ZNF350: variants seen among roughly 807,000 people sequenced by gnomAD.
ZNF350 encodes zinc finger protein 350, also known as KRAB zinc finger protein ZFQR.
A neutral mutation model predicts 13.1 loss-of-function variants in ZNF350; 5 were observed. The observed-to-expected ratio is 0.38, with a 90% CI of 0.20 to 0.80. The LOEUF is 0.80. Among genes scored for constraint, ZNF350 ranks in the 30% least tolerant of loss-of-function variants. ZNF350 has a pLI of 0.43. For missense variants in ZNF350, 534 were observed against 644.2 expected, an observed-to-expected ratio of 0.83 and a Z score of 1.85; for synonymous variants, 199 against 224.2, an observed-to-expected ratio of 0.89 and a Z score of 1.00.
At position 51,969,248 on chromosome 19, in the gene ZNF350, T is replaced by C. The variant is rs2085665454; in HGVS notation, c.16-117A>G. On this transcript the variant is annotated intron_variant, in intron 2 of 4. Coordinates refer to ENST00000243644, the MANE Select transcript of ZNF350 (RefSeq NM_021632.4). ...TGTGTGCATATACCAAATAGTTTTT[T>C]TTTTAATACAATGTGGAAGAAGTAA... 2.4e-6 allele frequency: 3 copies of C among 1,248,528 alleles called. No individual in the cohort carries two copies. In the South Asian group the frequency reaches 4.6e-5, roughly 19 times the overall value. The allele number at this position is 1,248,528 out of a possible 1,614,324, so 77.3% of individuals were successfully genotyped here.
At chr19:51,972,366 A>C (rs913763135) in intron 2 of ZNF350, among the ~76,000 whole-genome samples, 231 of 142,390 alleles carry the variant, frequency 1.6e-3, no homozygotes, top group Middle Eastern at 7.5e-3. Context: ...TAGTCAACCC[A>C]CCCCCGCCAC....
intron 1 of ZNF350, among the ~76,000 whole-genome samples, chr19:51,986,023 T>A (rs1006602287): frequency 1.6e-4 from 24 of 151,226 alleles, no homozygotes; most frequent in South Asian, 2.1e-4. Flanking sequence ...ATAAAAAAAA[T>A]AAATAAAAAA....
chr19:51,977,365 C>T (rs772325050), intron 1 of ZNF350, among the ~76,000 whole-genome samples: 31 of 152,288 alleles, frequency 2.0e-4, no homozygotes, highest in Middle Eastern at 3.4e-3. Context: ...ACACTTGGCG[C>T]GAACTTGCTT....
intron 1 of ZNF350, among the ~76,000 whole-genome samples, chr19:51,986,314 C>T (rs370092879): frequency 3.0e-4 from 46 of 152,256 alleles, no homozygotes; most frequent in African/African-American, 1.1e-3. Flanking sequence ...AAGCTTCAGC[C>T]CTCACAAGCC....
At chr19:51,981,159 G>A (rs568294574) in intron 1 of ZNF350, 22 of 152,288 alleles carry the variant, frequency 1.4e-4, no homozygotes, top group Admixed American at 1.3e-3. Flanking sequence ...AGGTTTGCTG[G>A]AGGCAATCAC....
At chr19:51,969,222 C>G in intron 2 of ZNF350, 91 bp from the exon 3 acceptor site, 1 of 1,486,664 alleles carries the variant, frequency 6.7e-7, no homozygotes, top group Non-Finnish European at 9.1e-7. Flanking sequence ...ACTCTACAGG[C>G]TGTGTGCATA....
At chr19:51,971,316 A>G (rs1461775422) in intron 2 of ZNF350, among the ~76,000 whole-genome samples, 4 of 152,232 alleles carry the variant, frequency 2.6e-5, no homozygotes, top group African/African-American at 7.2e-5. Context: ...TCTTACCTCA[A>G]TCCACACTCA....
intron 1 of ZNF350, among the ~76,000 whole-genome samples, chr19:51,983,543 A>G (rs1194206631): frequency 6.6e-6 from 1 of 152,212 alleles, no homozygotes; most frequent in Non-Finnish European, 1.5e-5. Context: ...TTATAACTAA[A>G]GGTGAGACAT....
intron 2 of ZNF350, among the ~76,000 whole-genome samples, chr19:51,972,234 T>C (rs2085757959): frequency 6.7e-6 from 1 of 149,682 alleles, no homozygotes; most frequent in South Asian, 2.1e-4. Flanking sequence ...GGCAGGAGGA[T>C]TGCTTGAGCC....
In ZNF350 at chr19:51,964,838, G is replaced by A. The variant is rs1349189966; in HGVS notation, c.*16C>T. On this transcript the variant is annotated 3_prime_UTR_variant, in exon 5 of 5. Coordinates refer to ENST00000243644, the MANE Select transcript of ZNF350 (RefSeq NM_021632.4). ...TTTTTGCTCAACCCTTTTCCACATA[G>A]ATCTGAGTTTTCTTCCTATGGGTTT... 1 of 1,595,694 alleles carries A rather than the reference G, an allele frequency of 6.3e-7. No homozygotes were observed. The highest frequency in any genetic ancestry group is 8.6e-7 in the Non-Finnish European group (1 of 1,168,678).
At chr19:51,975,114 G>T (rs1198897460) in intron 1 of ZNF350, among the ~76,000 whole-genome samples, 1 of 152,202 alleles carries the variant, frequency 6.6e-6, no homozygotes, top group Admixed American at 6.5e-5. Context: ...GAATGGAAAA[G>T]TGCCAATTAG....
Position 51,964,998 on chromosome 19 carries a change from G to A in ZNF350, c.1455C>T (p.Val485=). The change falls in exon 5 of 5, where the codon GTC becomes GTT. Residue 485 remains valine, a synonymous_variant. Transcript: ENST00000243644. ...ISGLLANRNV[V]LVGQPVVRCA... ...ATCTGACCACTGGCTGTCCCACAAG[G>A]ACTACGTTCCTGTTTGCGAGGAGGC... The A allele has an allele frequency of 3.1e-6, 5 of 1,614,140 alleles. No individual in the cohort carries two copies. Among genetic ancestry groups the A allele is most frequent in the Non-Finnish European group, 4.2e-6 (5 of 1,180,030 alleles).
chr19:51,975,267 G>A (rs77949393), intron 1 of ZNF350, among the ~76,000 whole-genome samples: 2,117 of 152,096 alleles, frequency 0.014, 46 homozygotes, highest in African/African-American at 0.048. Flanking sequence ...TCAGGAGTCC[G>A]AGACCGGCCT....
intron 2 of ZNF350, 36 bp downstream of exon 2, chr19:51,974,310 C>T (rs2085826102): frequency 1.2e-6 from 2 of 1,611,142 alleles, no homozygotes. Flanking sequence ...TATTATGGAA[C>T]AAAGGAAAGA....
rs1334975985 is a variant in ZNF350, at chr19:51,976,595, T to A, written c.-171-2064A>T. 6.6e-6 allele frequency: 1 copy of A among 152,278 alleles called. No individual in the cohort carries two copies. Among genetic ancestry groups the A allele is most frequent in the African/African-American group, 2.4e-5 (1 of 41,458 alleles). The allele number at this position is 152,278 out of a possible 1,614,324, so 9.4% of individuals were successfully genotyped here. A position where few individuals can be genotyped will look rare whatever the true frequency, so the allele number is the denominator to read the frequency against. On this transcript the variant is annotated intron_variant, in intron 1 of 4. Coordinates refer to ENST00000243644, the MANE Select transcript of ZNF350 (RefSeq NM_021632.4). The surrounding 1 kb of genome is among the most constrained non-coding windows in gnomAD (Gnocchi z 4.5). Reference sequence around the variant, plus strand: ...TAAGGTCAGTGCCCTAAAGAGGTACTGGGAGCAGTGCTTTAAAGAAGTACT... The same window carrying A: ...TAAGGTCAGTGCCCTAAAGAGGTACAGGGAGCAGTGCTTTAAAGAAGTACT...
At chr19:51,979,494 G>A (rs957897829) in intron 1 of ZNF350, among the ~76,000 whole-genome samples, 1 of 152,160 alleles carries the variant, frequency 6.6e-6, no homozygotes, top group African/African-American at 2.4e-5. Flanking sequence ...TCACCACAAA[G>A]ACGTCGCTCA....
At chr19:51,980,977 A>G (rs946166538) in intron 1 of ZNF350, 20 of 152,346 alleles carry the variant, frequency 1.3e-4, no homozygotes, top group East Asian at 5.8e-4. Flanking sequence ...CTCCCAGCCC[A>G]GCCTTACATT....
chr19:51,971,482 G>A (rs2085735551), intron 2 of ZNF350, among the ~76,000 whole-genome samples: 1 of 152,152 alleles, frequency 6.6e-6, no homozygotes, highest in Non-Finnish European at 1.5e-5. Context: ...GAGGCTATAT[G>A]ATCAAACAGC....
In ZNF350 at chr19:51,976,179, C is replaced by G. The variant is rs950618915; in HGVS notation, c.-171-1648G>C. ...CTGGCGCCGTTATCTACTGCGACATCTAGAGAATGCAGTCTTGCAAGACTA... is the reference window on the plus strand; with the variant it reads ...CTGGCGCCGTTATCTACTGCGACATGTAGAGAATGCAGTCTTGCAAGACTA... On this transcript the variant is annotated intron_variant, in intron 1 of 4. Transcript: ENST00000243644. This position sits in a 1 kb window ranked among gnomAD's most constrained non-coding sequence, Gnocchi z 4.5. Among the ~76,000 whole-genome samples the G allele has an allele frequency of 6.6e-6, 1 of 151,752 alleles. No individual in the cohort carries two copies. Among genetic ancestry groups the G allele is most frequent in the African/African-American group, 2.4e-5 (1 of 41,224 alleles).
Sources: gnomAD v4.1 joint callset for allele counts (sites outside exome capture counted in the v4.1 genomes callset) on GRCh38, gnomAD v4.1.1 for gene constraint, Gnocchi (gnomAD v3.1) non-coding constraint, MANE v1.5 for transcripts, NCBI Gene and HGNC (gene_info 2026-07-23, HGNC 2026-07-21) for gene names.